ROS1: variants seen among roughly 807,000 people sequenced by gnomAD.
ROS1 encodes the protein proto-oncogene tyrosine-protein kinase ROS.
A neutral mutation model predicts 273.5 loss-of-function variants in ROS1; 263 were observed. The ratio of observed to expected loss-of-function variants is 0.96; its 90% CI spans 0.87 to 1.06. The LOEUF is 1.06. ROS1 is among the 50% of genes least tolerant of loss of function. The pLI is 0.00. For missense variants in ROS1, 2,833 were observed against 2,751.1 expected (o/e 1.03, Z -0.67); for synonymous variants, 1,008 against 954.1 (o/e 1.06, Z -1.04).
chr6:117,344,890 G>C (rs1778248214), intron 27 of ROS1, among the ~76,000 whole-genome samples: 1 of 152,182 alleles, frequency 6.6e-6, no homozygotes, highest in Non-Finnish European at 1.5e-5. Context: ...TTCTAGACCA[G>C]TGCAGTAGCG....
intron 3 of ROS1, 101 bp downstream of exon 3, chr6:117,416,157 A>C: frequency 1.3e-6 from 1 of 745,450 alleles, no homozygotes; most frequent in Admixed American, 2.0e-5. Context: ...GGTCAAGCAA[A>C]CTAGTTGAAA....
chr6:117,294,606 A>G (rs2128527466), intron 43 of ROS1, among the ~76,000 whole-genome samples: 2 of 152,280 alleles, frequency 1.3e-5, no homozygotes, highest in South Asian at 4.1e-4. Flanking sequence ...AAATAAATTC[A>G]GTAAAGTTTC....
In ROS1 at chr6:117,324,877, T is replaced by G. The variant is rs547184886; in HGVS notation, c.5540-462A>C. 2.0e-5 allele frequency among the ~76,000 whole-genome samples: 3 copies of G among 152,148 alleles called. No individual in the cohort carries two copies. The East Asian group carries it at 5.8e-4, about 29-fold the overall frequency. ...GAGGAAACAAACACGTAGGCCAGAGTCTGGCAAACTATGGCATGAGGACCA... is the reference window on the plus strand; with the variant it reads ...GAGGAAACAAACACGTAGGCCAGAGGCTGGCAAACTATGGCATGAGGACCA... On this transcript the variant is annotated intron_variant, in intron 34 of 43. Transcript: ENST00000368507.
chr6:117,343,216 A>G (rs113404639), intron 28 of ROS1, among the ~76,000 whole-genome samples: 2 of 152,282 alleles, frequency 1.3e-5, no homozygotes, highest in South Asian at 2.1e-4. Flanking sequence ...GCCAAGTCCA[A>G]TCTTGGCCAG....
At chr6:117,304,977 C>T (rs771556659) in intron 42 of ROS1, among the ~76,000 whole-genome samples, 8 of 152,148 alleles carry the variant, frequency 5.3e-5, no homozygotes, top group Non-Finnish European at 1.0e-4. Context: ...CCTTCACCCT[C>T]TGCCATGATT....
intron 7 of ROS1, among the ~76,000 whole-genome samples, chr6:117,399,964 T>C (rs949643202): frequency 6.6e-6 from 1 of 152,176 alleles, no homozygotes; most frequent in Non-Finnish European, 1.5e-5. Context: ...CTTCCATAGC[T>C]CCTAACTGCA....
intron 43 of ROS1, among the ~76,000 whole-genome samples, chr6:117,296,308 T>A (rs1021933976): frequency 6.6e-6 from 1 of 151,752 alleles, no homozygotes; most frequent in Non-Finnish European, 1.5e-5. Context: ...TGCCGAGGCA[T>A]AAGAATCGCT....
intron 40 of ROS1, among the ~76,000 whole-genome samples, chr6:117,310,510 A>G (rs1184013932): frequency 6.6e-6 from 1 of 151,862 alleles, no homozygotes; most frequent in Non-Finnish European, 1.5e-5. Flanking sequence ...CCCTGCCTGC[A>G]TTAGGTATTT....
rs1291536074 is a variant in ROS1 at position 117,288,662 on chromosome 6, G to A, written c.6856C>T (p.Leu2286=). ...GQGEEKSEGP[L]GSQESESCGL... ...CAAGATTCAGATTCCTGGGAGCCTA[G>A]AGGACCCTCAGACTTTTCTTCACCT... The change falls in exon 44 of 44, where the codon CTA becomes TTA. Residue 2286 remains leucine (L), a synonymous_variant. Coordinates refer to ENST00000368507, the MANE Select transcript of ROS1 (RefSeq NM_001378902.1). 6.2e-7 allele frequency: 1 copy of A among 1,614,078 alleles called. No individual in the cohort carries two copies. The highest frequency in any genetic ancestry group is 8.5e-7 in the Non-Finnish European group (1 of 1,180,020).
At chr6:117,404,871 CA>C (rs1226208187) in intron 5 of ROS1, among the ~76,000 whole-genome samples, 1 of 152,298 alleles carries the variant, frequency 6.6e-6, no homozygotes, top group East Asian at 1.9e-4. Context: ...TGCATCTTAA[CA>C]AGAAATTATT....
intron 5 of ROS1, 64 bp downstream of exon 5, chr6:117,409,518 T>C: frequency 4.4e-6 from 5 of 1,140,382 alleles, no homozygotes; most frequent in Non-Finnish European, 6.7e-6. Flanking sequence ...TCGTTATCTT[T>C]ACATAAGTAC....
At chr6:117,290,674 T>G (rs1345589741) in intron 43 of ROS1, among the ~76,000 whole-genome samples, 2 of 152,208 alleles carry the variant, frequency 1.3e-5, no homozygotes, top group African/African-American at 2.4e-5. Flanking sequence ...AGGTGATGTT[T>G]ACACAAATGT....
At chr6:117,398,515 C>T (rs1040553387) in intron 7 of ROS1, among the ~76,000 whole-genome samples, 1 of 152,044 alleles carries the variant, frequency 6.6e-6, no homozygotes, top group Non-Finnish European at 1.5e-5. Context: ...CCCATCTCTA[C>T]TAAAATTACA....
Position 117,365,750 on chromosome 6 carries a change from T to C in ROS1, c.2798-9A>G. The C allele has an allele frequency of 1.3e-6, 2 of 1,530,846 alleles. No individual in the cohort carries two copies. Among genetic ancestry groups the C allele is most frequent in the South Asian group, 1.3e-5 (1 of 75,984 alleles). 94.8% of individuals were successfully genotyped at this position (1,530,846 alleles called of 1,614,324 possible). ...GGTAAAGGAAAAGTTCCCTACAGGATGAAACAAAAAAAAGAAATAGGAGAA... is the reference window on the plus strand; with the variant it reads ...GGTAAAGGAAAAGTTCCCTACAGGACGAAACAAAAAAAAGAAATAGGAGAA... On this transcript the variant is annotated splice_polypyrimidine_tract_variant and intron_variant, in intron 19 of 43. Coordinates refer to ENST00000368507, the MANE Select transcript of ROS1 (RefSeq NM_001378902.1).
intron 32 of ROS1, among the ~76,000 whole-genome samples, chr6:117,330,125 T>C (rs1269759117): frequency 3.3e-5 from 5 of 152,332 alleles, no homozygotes; most frequent in Admixed American, 3.3e-4. Flanking sequence ...GGCTGTGCTT[T>C]TCCCCTGCGG....
intron 37 of ROS1, 120 bp from the exon 38 acceptor site, chr6:117,318,372 G>A (rs551379330): frequency 8.2e-5 from 60 of 731,672 alleles, no homozygotes; most frequent in Admixed American, 6.4e-4. Context: ...GAAACAGATC[G>A]TAGATAAAAC....
chr6:117,408,260 A>G (rs1774586723), intron 5 of ROS1, among the ~76,000 whole-genome samples: 1 of 146,212 alleles, frequency 6.8e-6, no homozygotes, highest in Non-Finnish European at 1.6e-5. Context: ...AGAAACTACC[A>G]TCAGACTGAA....
chr6:117,406,529 G>C (rs1450985292), intron 5 of ROS1, among the ~76,000 whole-genome samples: 1 of 152,042 alleles, frequency 6.6e-6, no homozygotes, highest in Non-Finnish European at 1.5e-5. Context: ...TAAAAATAAA[G>C]CATTGATTAC....
chr6:117,290,128 T>A (rs1014464002), intron 43 of ROS1, among the ~76,000 whole-genome samples: 4 of 152,190 alleles, frequency 2.6e-5, no homozygotes, highest in African/African-American at 9.6e-5. Flanking sequence ...TGTCATACAT[T>A]TAATCCATGA....
Sources: allele counts gnomAD v4.1 joint callset (sites outside exome capture counted in the v4.1 genomes callset), GRCh38; gene constraint gnomAD v4.1.1; transcripts MANE v1.5; gene names NCBI Gene and HGNC (gene_info 2026-07-23, HGNC 2026-07-21).